DOP1B: variants seen among roughly 807,000 people sequenced by gnomAD.
DOP1B encodes DOP1 leucine zipper like protein B, also known as protein DOP1B.
Under a neutral mutation model 233.5 loss-of-function variants are expected in DOP1B, and 174 were observed. The observed-to-expected ratio is 0.75, with a 90% CI of 0.66 to 0.85. The LOEUF is 0.85. Among genes scored for constraint, DOP1B ranks in the 40% least tolerant of loss-of-function variants. DOP1B has a pLI of 0.00. For missense variants in DOP1B, 2,652 were observed against 2,846.6 expected (o/e 0.93, Z 1.56); for synonymous variants, 1,190 against 1,185.6 (o/e 1.00, Z -0.08).
intron 23 of DOP1B, among the ~76,000 whole-genome samples, chr21:36,255,057 C>G (rs2067077417): frequency 6.9e-6 from 1 of 145,410 alleles, no homozygotes; most frequent in Non-Finnish European, 1.5e-5. Context: ...TCAAGTGATT[C>G]TTGTGCCTCA....
chr21:36,272,255 A>C (rs1003681840), intron 27 of DOP1B, among the ~76,000 whole-genome samples: 26 of 152,170 alleles, frequency 1.7e-4, no homozygotes, highest in African/African-American at 6.3e-4. Flanking sequence ...TGGGAGGCCA[A>C]GGTGAGAGGA....
intron 11 of DOP1B, among the ~76,000 whole-genome samples, chr21:36,224,563 CTT>C (rs1266331660): frequency 1.3e-5 from 2 of 151,488 alleles, no homozygotes; most frequent in African/African-American, 4.8e-5. Context: ...ATTTTGTCCT[CTT>C]TTCATCCCAG....
At chr21:36,260,647 C>A in intron 23 of DOP1B, 30 bp from the exon 24 acceptor site, 3 of 1,612,954 alleles carry the variant, frequency 1.9e-6, no homozygotes, top group Non-Finnish European at 2.5e-6. Context: ...CCCACCAACT[C>A]GGAGTAATTG....
chr21:36,198,839 C>G (rs2123468354), intron 2 of DOP1B, among the ~76,000 whole-genome samples: 1 of 152,346 alleles, frequency 6.6e-6, no homozygotes, highest in African/African-American at 2.4e-5. Flanking sequence ...AGAGGTGTGA[C>G]CGAGAAGCTG....
intron 27 of DOP1B, among the ~76,000 whole-genome samples, chr21:36,272,448 G>A (rs185090386): frequency 2.1e-3 from 317 of 152,060 alleles, no homozygotes; most frequent in Middle Eastern, 6.8e-3. Flanking sequence ...TCAGGAGTTC[G>A]AGACTGGCCT....
At chr21:36,270,397 A>G (rs1050770191) in intron 27 of DOP1B, among the ~76,000 whole-genome samples, 1 of 151,466 alleles carries the variant, frequency 6.6e-6, no homozygotes, top group African/African-American at 2.4e-5. Context: ...TACTAAAAGT[A>G]AAAAAATCAG....
rs754277841 is a variant in DOP1B, at chr21:36,233,110, C to T, written c.2622+35C>T. The T allele has an allele frequency of 2.0e-5, 32 of 1,599,846 alleles. 2 individuals are homozygous for T. In the South Asian group the frequency reaches 3.5e-4, roughly 17 times the overall value. On this transcript the variant is annotated intron_variant, in intron 15 of 36. Coordinates refer to ENST00000691173, the MANE Select transcript of DOP1B (RefSeq NM_001320714.2). ...ACTGGGAACACTCTTCTTATGGCCTCCTTCTCCCCCTGAGCAAAACTCAGA... is the reference window on the plus strand; with the variant it reads ...ACTGGGAACACTCTTCTTATGGCCTTCTTCTCCCCCTGAGCAAAACTCAGA...
intron 32 of DOP1B, among the ~76,000 whole-genome samples, chr21:36,285,461 T>C (rs1201135175): frequency 6.6e-6 from 1 of 151,846 alleles, no homozygotes; most frequent in African/African-American, 2.4e-5. Flanking sequence ...TTTTGCCCTG[T>C]TTTCATTTTT....
chr21:36,158,802 CAAA>C (rs386394681), intron 1 of DOP1B, among the ~76,000 whole-genome samples: 1 of 93,832 alleles, frequency 1.1e-5, no homozygotes, highest in African/African-American at 4.9e-5. Context: ...ACTCTTGTCT[CAAA>C]AAAAAAAAAA....
chr21:36,260,792 A>G (rs2067160808), intron 24 of DOP1B, 60 bp downstream of exon 24: 5 of 1,595,154 alleles, frequency 3.1e-6, no homozygotes, highest in East Asian at 2.2e-5. Context: ...TGCAGTGAGC[A>G]TGCATAATAA....
intron 2 of DOP1B, among the ~76,000 whole-genome samples, chr21:36,181,830 T>G (rs2284624): frequency 0.44 from 66,712 of 151,980 alleles, 16,133 homozygotes; most frequent in African/African-American, 0.66. Context: ...GCACTCACCT[T>G]CCATTTAATG....
intron 2 of DOP1B, among the ~76,000 whole-genome samples, chr21:36,176,295 A>G (rs983377282): frequency 6.6e-6 from 1 of 151,746 alleles, no homozygotes; most frequent in African/African-American, 2.4e-5. Context: ...CCCCCACTGG[A>G]GCCTTGGTGC....
chr21:36,271,954 G>C (rs1171915856), intron 27 of DOP1B, among the ~76,000 whole-genome samples: 1 of 136,498 alleles, frequency 7.3e-6, no homozygotes, highest in South Asian at 2.4e-4. Context: ...TTTTTTTTCA[G>C]GATTAAGCAT....
intron 2 of DOP1B, among the ~76,000 whole-genome samples, chr21:36,188,907 A>G (rs528146863): frequency 6.6e-6 from 1 of 152,346 alleles, no homozygotes; most frequent in East Asian, 1.9e-4. Flanking sequence ...CTCCCCACCC[A>G]TATGGTTAAA....
intron 22 of DOP1B, among the ~76,000 whole-genome samples, chr21:36,252,540 G>A (rs2067042994): frequency 6.7e-6 from 1 of 149,188 alleles, no homozygotes; most frequent in Admixed American, 6.7e-5. Context: ...TATGCCCAAA[G>A]ATAATTTCTT....
chr21:36,176,191 C>T (rs937358661), intron 2 of DOP1B, among the ~76,000 whole-genome samples: 8 of 151,706 alleles, frequency 5.3e-5, no homozygotes, highest in East Asian at 1.9e-4. Flanking sequence ...CCCCCTCCAC[C>T]GCATGCCAAG....
chr21:36,236,777 CT>C (rs35374710), intron 15 of DOP1B, among the ~76,000 whole-genome samples: 36 of 118,554 alleles, frequency 3.0e-4, no homozygotes, highest in African/African-American at 5.1e-4. Context: ...TTTTCTTTTT[CT>C]TTTTTTTTTT....
At chr21:36,234,564 T>G (rs78062622) in intron 15 of DOP1B, among the ~76,000 whole-genome samples, 242 of 152,150 alleles carry the variant, frequency 1.6e-3, no homozygotes, top group African/African-American at 5.7e-3. Context: ...TTTTTTTTTT[T>G]CCTTGAGACA....
intron 2 of DOP1B, among the ~76,000 whole-genome samples, chr21:36,189,515 C>T (rs2066206153): frequency 6.6e-6 from 1 of 151,618 alleles, no homozygotes; most frequent in Admixed American, 6.6e-5. Flanking sequence ...CGGTGGATCA[C>T]AAGGTCAGGA....
Sources: allele counts gnomAD v4.1 joint callset (sites outside exome capture counted in the v4.1 genomes callset), GRCh38; gene constraint gnomAD v4.1.1; transcripts MANE v1.5; gene names NCBI Gene and HGNC (gene_info 2026-07-23, HGNC 2026-07-21).